ATM: variants seen among roughly 807,000 people sequenced by gnomAD.
ATM encodes the protein serine-protein kinase ATM.
A neutral mutation model predicts 387.0 loss-of-function variants in ATM; 308 were observed. The observed-to-expected ratio is 0.80, with a 90% CI of 0.73 to 0.87. The LOEUF (loss-of-function observed/expected upper bound fraction) is 0.87. Among genes scored for constraint, ATM ranks in the 40% least tolerant of loss-of-function variants. The probability of loss-of-function intolerance (pLI) is 0.00; values close to 1 mark genes in which losing one functional copy is unlikely to be tolerated. For missense variants in ATM, 3,312 were observed against 3,560.9 expected, an observed-to-expected ratio of 0.93 and a Z score of 1.78; for synonymous variants, 1,156 against 1,187.3, an observed-to-expected ratio of 0.97 and a Z score of 0.54.
intron 14 of ATM, among the ~76,000 whole-genome samples, chr11:108,256,882 G>A (rs2080526982): frequency 6.6e-6 from 1 of 152,180 alleles, no homozygotes; most frequent in South Asian, 2.1e-4. Flanking sequence ...ATATCATGGT[G>A]TATATGTGCC....
intron 56 of ATM, among the ~76,000 whole-genome samples, chr11:108,339,948 A>G (rs2087325933): frequency 6.6e-6 from 1 of 152,188 alleles, no homozygotes; most frequent in African/African-American, 2.4e-5. Flanking sequence ...TGTTTATTCA[A>G]TAAATGTGAA....
chr11:108,348,426 TATATA>T (rs968038326), intron 59 of ATM, among the ~76,000 whole-genome samples: 3 of 147,372 alleles, frequency 2.0e-5, no homozygotes, highest in African/African-American at 7.5e-5. Flanking sequence ...GACAGTTTAA[TATATA>T]AGAAAGAAAG....
In ATM at chr11:108,276,630, G is replaced by C. The variant is rs139696807; in HGVS notation, c.3285-2861G>C. ...TTTACAGTCAGGCCCCTCTGCTGCA[G>C]ATCTGCTGGAGTTTGCTGGAGGTCC... On this transcript the variant is annotated intron_variant, in intron 22 of 62. Coordinates refer to ENST00000675843, the MANE Select transcript of ATM (RefSeq NM_000051.4). Among the ~76,000 whole-genome samples the C allele has an allele frequency of 7.3e-3, 1,105 of 152,296 alleles. 10 individuals carry two copies. The highest frequency in any genetic ancestry group is 0.024 in the African/African-American group (1,009 of 41,564).
At chr11:108,361,410 C>T (rs1369967761) in intron 61 of ATM, among the ~76,000 whole-genome samples, 1 of 151,820 alleles carries the variant, frequency 6.6e-6, no homozygotes, top group Non-Finnish European at 1.5e-5. Context: ...CCCCATCAAG[C>T]TACCAATGAC....
chr11:108,357,951 CTT>C (rs1040287089), intron 61 of ATM, among the ~76,000 whole-genome samples: 2 of 150,434 alleles, frequency 1.3e-5, no homozygotes, highest in African/African-American at 2.4e-5. Context: ...TGGAGAATGA[CTT>C]TGACGAGCTG....
chr11:108,360,280 G>A (rs1039482500), intron 61 of ATM, among the ~76,000 whole-genome samples: 3 of 152,014 alleles, frequency 2.0e-5, no homozygotes, highest in African/African-American at 7.2e-5. Context: ...CCAGTAACAG[G>A]AGCTGAAATT....
At chr11:108,359,600 C>CA (rs2090461345) in intron 61 of ATM, among the ~76,000 whole-genome samples, 1 of 152,202 alleles carries the variant, frequency 6.6e-6, no homozygotes, top group Admixed American at 6.5e-5. Flanking sequence ...AACTATCTCT[C>CA]AGACCACAGT....
rs1565395061 is a variant in ATM at position 108,256,304 on chromosome 11, G to A, written c.2214G>A (p.Glu738=). 1 of 1,611,386 alleles carries A rather than the reference G, an allele frequency of 6.2e-7. No individual in the cohort carries two copies. Among genetic ancestry groups the A allele is most frequent in the Non-Finnish European group, 8.5e-7 (1 of 1,178,288 alleles). ...GTTACATGGGTGTAATAGCTGAAGA[G>A]GAAGCATATAAGTCAGAATTATTCC... ...CYCYMGVIAE[E]EAYKSELFQK... is the part of the protein sequence containing the mutation. Residue 738 remains glutamate, a synonymous_variant, in exon 14 of 63, where the codon GAG becomes GAA. Transcript: ENST00000675843.
At chr11:108,277,440 G>A (rs1178674090) in intron 22 of ATM, among the ~76,000 whole-genome samples, 7 of 152,296 alleles carry the variant, frequency 4.6e-5, no homozygotes, top group South Asian at 4.1e-4. Context: ...AGCTAGCTCA[G>A]TGTCTGCCCA....
intron 55 of ATM, chr11:108,335,358 G>GT: frequency 8.3e-7 from 1 of 1,211,502 alleles, no homozygotes; most frequent in East Asian, 3.1e-5. Context: ...GTACAGACAT[G>GT]TACAGTGAGG....
Position 108,292,756 on chromosome 11 carries a change from T to G in ATM, c.4574T>G (p.Ile1525Arg). The G allele has an allele frequency of 1.2e-6, 2 of 1,614,116 alleles. No individual in the cohort carries two copies. The highest frequency in any genetic ancestry group is 8.5e-7 in the Non-Finnish European group (1 of 1,179,970). Residue 1525 changes from isoleucine (I) to arginine (R), a missense_variant, in exon 30 of 63, where the codon ATA becomes AGA. Around this residue, in one of 4 missense-constraint regions of ATM, gnomAD observed 1,791 missense variants for 1,804.5 expected, o/e 0.99. Coordinates refer to ENST00000675843, the MANE Select transcript of ATM (RefSeq NM_000051.4). ...NHLHVIVGTL[I>R]PLVYEQVEVQ... is the part of the protein sequence containing the mutation. ...CTTCATGTTATTGTTGGTACACTTA[T>G]ACCCCTTGTGTATGAGCAGGTGGAG...
At chr11:108,258,338 A>C (rs1265802687) in intron 15 of ATM, among the ~76,000 whole-genome samples, 1 of 152,228 alleles carries the variant, frequency 6.6e-6, no homozygotes, top group Non-Finnish European at 1.5e-5. Context: ...TTGCCTTATG[A>C]CTTTTATATA....
rs4988031 is a variant in ATM, at chr11:108,300,735, T to G, written c.5177+850T>G. Among the ~76,000 whole-genome samples the G allele has an allele frequency of 3.9e-3, 591 of 152,288 alleles. 1 individual carries two copies. The highest frequency in any genetic ancestry group is 0.013 in the African/African-American group (557 of 41,556). Reference sequence around the variant, plus strand: ...TCCAAACATTTTATTATAAAAAGTTTCAAACATACAGCACAATGGAAATAA... The same window carrying G: ...TCCAAACATTTTATTATAAAAAGTTGCAAACATACAGCACAATGGAAATAA... On this transcript the variant is annotated intron_variant, in intron 34 of 62. Transcript: ENST00000675843.
chr11:108,348,508 T>C (rs547055661), intron 59 of ATM, among the ~76,000 whole-genome samples: 1 of 151,828 alleles, frequency 6.6e-6, no homozygotes, highest in African/African-American at 2.4e-5. Flanking sequence ...TTAGTTTTGC[T>C]CATTATTTTG....
At chr11:108,298,155 G>A (rs1485106447) in intron 33 of ATM, among the ~76,000 whole-genome samples, 1 of 152,124 alleles carries the variant, frequency 6.6e-6, no homozygotes, top group East Asian at 1.9e-4. Flanking sequence ...TCTAGTTTAG[G>A]TGTTTAGATT....
At chr11:108,279,730 C>A in intron 23 of ATM, 122 bp downstream of exon 23, 1 of 781,520 alleles carries the variant, frequency 1.3e-6, no homozygotes, top group Non-Finnish European at 2.2e-6. Flanking sequence ...TAAAGCTGCT[C>A]TAAAACAACT....
At chr11:108,346,499 G>GTT (rs879675361) in intron 58 of ATM, 2 of 135,194 alleles carry the variant, frequency 1.5e-5, no homozygotes, top group Non-Finnish European at 3.2e-5. Flanking sequence ...TCTATTTGTT[G>GTT]TTTTTTTTTT....
chr11:108,332,847 A>C lies in ATM; in HGVS notation c.7874A>C (p.Asp2625Ala), dbSNP rs876660121. 1 of 1,613,188 alleles carries C rather than the reference A, an allele frequency of 6.2e-7. No individual in the cohort carries two copies. The highest frequency in any genetic ancestry group is 1.7e-5 in the Admixed American group (1 of 60,018). ...QMVRSVEALC[D>A]AYIILANLDA... ...GTCAGAAGTGTTGAGGCACTTTGTG[A>C]TGCTTATATTATATTAGCAAACTTA... The change falls in exon 53 of 63, where the codon GAT becomes GCT. Residue 2625 changes from aspartate (D) to alanine (A), a missense_variant. Physicochemically the swap from Asp to Ala is moderately radical, Grantham distance 126. Transcript: ENST00000675843.
Position 108,297,347 on chromosome 11 carries a change from TG to T in ATM, c.4972del (p.Ala1658GlnfsTer2). 1 of 1,614,082 alleles carries T rather than the reference TG, an allele frequency of 6.2e-7. No individual in the cohort carries two copies. The highest frequency in any genetic ancestry group is 8.5e-7 in the Non-Finnish European group (1 of 1,179,960). On this transcript the variant is annotated frameshift_variant, in exon 33 of 63. Transcript: ENST00000675843. LOFTEE classifies it high-confidence loss of function. ...LVVNLLQLSK[M>X]AINHTGEKEV... is the part of the protein sequence containing the mutation. The stretch of plus-strand genomic sequence containing the variant: ...GTCAATTTGTTGCAGTTATCCAAGA[TG>T]GCAATAAACCACACTGGTGAAAAAG...
Sources: gnomAD v4.1 joint callset for allele counts (sites outside exome capture counted in the v4.1 genomes callset) on GRCh38, gnomAD v4.1.1 for gene constraint, gnomAD v4.1.1 regional missense constraint, MANE v1.5 for transcripts, NCBI Gene and HGNC (gene_info 2026-07-23, HGNC 2026-07-21) for gene names.